Variants in FRAS1 observed in about 807,000 individuals in gnomAD.
The protein encoded by FRAS1 is Fraser extracellular matrix complex subunit 1.
A neutral mutation model predicts 435.2 loss-of-function variants in FRAS1; 290 were observed. The observed-to-expected ratio is 0.67, with a 90% CI of 0.61 to 0.73. The LOEUF (loss-of-function observed/expected upper bound fraction) is 0.73, where lower values mean the gene tolerates loss of function less well. FRAS1 is among the 30% of genes least tolerant of loss of function. FRAS1 has a pLI of 0.00. For missense variants in FRAS1, 4,860 were observed against 5,001.5 expected, an observed-to-expected ratio of 0.97 and a Z score of 0.85; for synonymous variants, 1,800 against 1,851.0, an observed-to-expected ratio of 0.97 and a Z score of 0.71.
intron 20 of FRAS1, among the ~76,000 whole-genome samples, chr4:78,344,934 G>C (rs1304185123): frequency 6.6e-6 from 1 of 152,044 alleles, no homozygotes; most frequent in Non-Finnish European, 1.5e-5. Context: ...GTATTTCTTT[G>C]TTCTGTTCTC....
chr4:78,432,661 G>C, intron 38 of FRAS1, 57 bp downstream of exon 38: 1 of 1,503,416 alleles, frequency 6.7e-7, no homozygotes, highest in Non-Finnish European at 8.9e-7. Context: ...TGATGGGGCA[G>C]ACTGGGCAGC....
At chr4:78,235,520 C>A (rs540417931) in intron 2 of FRAS1, among the ~76,000 whole-genome samples, 1 of 152,174 alleles carries the variant, frequency 6.6e-6, no homozygotes, top group Non-Finnish European at 1.5e-5. Flanking sequence ...AGGGAACAGG[C>A]CTTCATTAAG....
At chr4:78,482,358 C>T (rs1201509714) in intron 57 of FRAS1, 30 bp from the exon 58 acceptor site, 5 of 1,613,570 alleles carry the variant, frequency 3.1e-6, no homozygotes, top group Non-Finnish European at 4.2e-6. Flanking sequence ...GGTGGGTCCT[C>T]TGTCAAGTTT....
chr4:78,286,483 G>A lies in FRAS1; in HGVS notation c.1478G>A (p.Gly493Glu). The A allele has an allele frequency of 1.2e-6, 2 of 1,613,728 alleles. No individual in the cohort carries two copies. The highest frequency in any genetic ancestry group is 1.1e-5 in the South Asian group (1 of 91,084). ...CAGCCTCCCCTGCTGATGCGGCACG[G>A]GCAGTGTGTGCCTACCTGTGGGGAC... ...SCQPPLLMRHGQCVPTCGDGF... is the reference protein window; with the variant it reads ...SCQPPLLMRHEQCVPTCGDGF... Residue 493 changes from glycine to glutamate, a missense_variant, in exon 14 of 74, where the codon GGG (glycine) becomes GAG (glutamate). Transcript: ENST00000512123.
chr4:78,462,954 A>G (rs1264464686), intron 47 of FRAS1, among the ~76,000 whole-genome samples: 1 of 152,214 alleles, frequency 6.6e-6, no homozygotes, highest in Non-Finnish European at 1.5e-5. Context: ...GAGTCAATGT[A>G]GAATCTTTAT....
chr4:78,311,073 T>C (rs1728999794), intron 15 of FRAS1, among the ~76,000 whole-genome samples: 1 of 152,158 alleles, frequency 6.6e-6, no homozygotes, highest in African/African-American at 2.4e-5. Context: ...TAAGTATTTA[T>C]GCCATTATGA....
At chr4:78,397,063 G>A (rs115772435) in intron 29 of FRAS1, among the ~76,000 whole-genome samples, 1 of 151,774 alleles carries the variant, frequency 6.6e-6, no homozygotes, top group Non-Finnish European at 1.5e-5. Context: ...AGCCACTGGA[G>A]TTTTATTTTG....
chr4:78,219,576 T>G (rs1427728781), intron 2 of FRAS1, among the ~76,000 whole-genome samples: 1 of 152,218 alleles, frequency 6.6e-6, no homozygotes, highest in Non-Finnish European at 1.5e-5. Context: ...CAGACCAGAT[T>G]GATTAAGCAT....
intron 2 of FRAS1, among the ~76,000 whole-genome samples, chr4:78,228,907 T>G (rs1312884051): frequency 1.3e-5 from 2 of 152,218 alleles, no homozygotes; most frequent in East Asian, 3.8e-4. Context: ...AGTTTGCATA[T>G]TAGGAAACAG....
intron 9 of FRAS1, among the ~76,000 whole-genome samples, chr4:78,271,890 A>G (rs1404286071): frequency 6.6e-6 from 1 of 152,238 alleles, no homozygotes. Context: ...GAATTGGCAC[A>G]CTGTCTTCCA....
At chr4:78,488,000 G>A (rs1211575933) in intron 58 of FRAS1, among the ~76,000 whole-genome samples, 2 of 152,150 alleles carry the variant, frequency 1.3e-5, no homozygotes, top group Admixed American at 6.6e-5. Context: ...GAGGCATCTA[G>A]CGCCTACCTG....
intron 26 of FRAS1, 38 bp from the exon 27 acceptor site, chr4:78,379,688 T>C (rs1248846649): frequency 1.3e-6 from 2 of 1,582,220 alleles, no homozygotes; most frequent in South Asian, 1.2e-5. Flanking sequence ...TTAGTGAAGG[T>C]ACCATAAGCT....
At chr4:78,497,655 G>A (rs114557766) in intron 60 of FRAS1, among the ~76,000 whole-genome samples, 1,746 of 152,130 alleles carry the variant, frequency 0.011, 30 homozygotes, top group African/African-American at 0.041. Flanking sequence ...TCTATATTAC[G>A]AATAAAGAAA....
intron 26 of FRAS1, among the ~76,000 whole-genome samples, chr4:78,378,741 T>C (rs1731884936): frequency 6.6e-6 from 1 of 152,088 alleles, no homozygotes; most frequent in Non-Finnish European, 1.5e-5. Flanking sequence ...TATTGTTGAG[T>C]TATAGGAGTT....
At chr4:78,157,379 T>C (rs563407042) in intron 2 of FRAS1, among the ~76,000 whole-genome samples, 14 of 152,200 alleles carry the variant, frequency 9.2e-5, no homozygotes, top group Non-Finnish European at 1.9e-4. Flanking sequence ...GTTTTATTTT[T>C]AGTTCTTTAG....
chr4:78,361,273 C>A (rs1486785635), intron 20 of FRAS1, among the ~76,000 whole-genome samples: 1 of 152,218 alleles, frequency 6.6e-6, no homozygotes, highest in Non-Finnish European at 1.5e-5. Context: ...TATGTGGAAA[C>A]CATACACCAA....
intron 9 of FRAS1, 87 bp downstream of exon 9, chr4:78,267,519 C>A: frequency 7.9e-7 from 1 of 1,265,094 alleles, no homozygotes; most frequent in Non-Finnish European, 1.1e-6. Context: ...TACTTCTTGG[C>A]AGCAGCAGGG....
rs540467559 is a variant in FRAS1 at position 78,300,558 on chromosome 4, T to G, written c.1535-7508T>G. 2.6e-5 allele frequency among the ~76,000 whole-genome samples: 4 copies of G among 152,216 alleles called. No individual in the cohort carries two copies. In the South Asian group the frequency reaches 8.3e-4, roughly 32 times the overall value. On this transcript the variant is annotated intron_variant, in intron 14 of 73. Transcript: ENST00000512123. Reference sequence around the variant, plus strand: ...GGTCATGCAGTAGACTCTGTGCTGGTCTCCTGCTTGCTAGCAGGTCCTTAA... The same window carrying G: ...GGTCATGCAGTAGACTCTGTGCTGGGCTCCTGCTTGCTAGCAGGTCCTTAA...
At chr4:78,142,995 TTA>T (rs1337657007) in intron 2 of FRAS1, among the ~76,000 whole-genome samples, 2 of 152,074 alleles carry the variant, frequency 1.3e-5, no homozygotes, top group African/African-American at 4.8e-5. Context: ...CATAGAAGAT[TTA>T]AACTTGAATA....
Sources: gnomAD v4.1 joint callset for allele counts (sites outside exome capture counted in the v4.1 genomes callset) on GRCh38, gnomAD v4.1.1 for gene constraint, MANE v1.5 for transcripts, NCBI Gene and HGNC (gene_info 2026-07-23, HGNC 2026-07-21) for gene names.